APMAP: variants seen among roughly 807,000 people sequenced by gnomAD.
The protein encoded by APMAP is adipocyte plasma membrane-associated protein.
A neutral mutation model predicts 43.6 loss-of-function variants in APMAP; 33 were observed. The ratio of observed to expected loss-of-function variants is 0.76; its 90% CI spans 0.57 to 1.01. The LOEUF (loss-of-function observed/expected upper bound fraction) is 1.01, where lower values mean the gene tolerates loss of function less well. APMAP is among the 50% of genes least tolerant of loss of function. The probability of loss-of-function intolerance (pLI) is 0.00; values close to 1 mark genes in which losing one functional copy is unlikely to be tolerated. For synonymous variants in APMAP, 224 were observed against 216.7 expected (o/e 1.03, Z -0.30); for missense variants, 498 against 540.7 (o/e 0.92, Z 0.78).
At chr20:24,974,957 C>A (rs1051048599) in intron 3 of APMAP, among the ~76,000 whole-genome samples, 9 of 152,090 alleles carry the variant, frequency 5.9e-5, no homozygotes, top group African/African-American at 2.2e-4. Context: ...CAGAAAAAAA[C>A]ATCTAGTAAC....
chr20:24,964,136 GCAGCCCCACAGGGCAGTGCCCCACAGGA>G, intron 8 of APMAP, 114 bp from the exon 9 acceptor site: 1 of 1,133,290 alleles, frequency 8.8e-7, no homozygotes, highest in East Asian at 2.5e-5. Flanking sequence ...CCATGACAGG[GCAGCCCCACAGGGCAGTGCCCCACAGGA>G]CAGCTAATCC....
intron 5 of APMAP, among the ~76,000 whole-genome samples, 181 bp from the exon 6 acceptor site, chr20:24,970,552 T>C (rs540664352): frequency 1.3e-5 from 2 of 152,354 alleles, no homozygotes; most frequent in Non-Finnish European, 2.9e-5. Context: ...TTTTTTAGAC[T>C]AATTTCATTA....
rs759767762 is a variant in APMAP, at chr20:24,969,029, G to C, written c.904C>G (p.Pro302Ala). 3 of 1,613,892 alleles carry C rather than the reference G, an allele frequency of 1.9e-6. No homozygotes were observed. The highest frequency in any genetic ancestry group is 1.7e-6 in the Non-Finnish European group (2 of 1,179,964). Residue 302 changes from proline to alanine, a missense_variant, in exon 8 of 9, where the codon CCT (proline) becomes GCT (alanine). Pro to Ala is a conservative substitution (Grantham distance 27). Transcript: ENST00000217456. ...GGADLFVENM[P>A]GFPDNIRPSS... ...GGCCGGATGTTGTCTGGAAATCCAGGCATGTTCTCCACAAACAGATCAGCC... is the reference window on the plus strand; with the variant it reads ...GGCCGGATGTTGTCTGGAAATCCAGCCATGTTCTCCACAAACAGATCAGCC...
At chr20:24,979,523 T>A (rs1385409257) in intron 2 of APMAP, among the ~76,000 whole-genome samples, 1 of 152,118 alleles carries the variant, frequency 6.6e-6, no homozygotes, top group Non-Finnish European at 1.5e-5. Flanking sequence ...TGCCAGTATG[T>A]CACGCCTCCC....
In APMAP at chr20:24,969,875, T is replaced by C. The variant is rs180803202; in HGVS notation, c.714-215A>G. Among the ~76,000 whole-genome samples the C allele has an allele frequency of 2.0e-5, 3 of 152,350 alleles. No homozygotes were observed. The East Asian group carries it at 5.8e-4, about 29-fold the overall frequency. ...CTCCAGGGAACCCCAAGGTCAGTTA[T>C]CTTGCTCACCTGGGAGCTGGACAGG... is the stretch of plus-strand genomic sequence containing the variant. On this transcript the variant is annotated intron_variant, in intron 6 of 8. Coordinates refer to ENST00000217456, the MANE Select transcript of APMAP (RefSeq NM_020531.3).
At chr20:24,972,054 G>T (rs1290410726) in intron 4 of APMAP, among the ~76,000 whole-genome samples, 6 of 150,302 alleles carry the variant, frequency 4.0e-5, no homozygotes, top group Non-Finnish European at 7.4e-5. Flanking sequence ...CTCACTGCAG[G>T]TGCTTATTGT....
In APMAP at chr20:24,964,009, T is replaced by C; in HGVS notation, c.1055A>G (p.Glu352Gly). 6.2e-7 allele frequency: 1 copy of C among 1,614,200 alleles called. No individual in the cohort carries two copies. Among genetic ancestry groups the C allele is most frequent in the Non-Finnish European group, 8.5e-7 (1 of 1,180,034 alleles). The change falls in exon 9 of 9, where the codon GAG becomes GGG. Residue 352 changes from glutamate to glycine, a missense_variant. Physicochemically the swap from Glu to Gly is moderately conservative, Grantham distance 98. Transcript: ENST00000217456. ...KRMIFKLFSQ[E>G]TVMKFVPRYS... The stretch of plus-strand genomic sequence containing the variant: ...CCGCGGCACAAACTTCATCACCGTC[T>C]CTTGACTAAAGAGCTAGAGGGAAGC...
At chr20:24,990,029 A>G (rs1340518035) in intron 1 of APMAP, among the ~76,000 whole-genome samples, 1 of 152,258 alleles carries the variant, frequency 6.6e-6, no homozygotes, top group Non-Finnish European at 1.5e-5. Context: ...AAACAGTCAC[A>G]TATGGACATT....
chr20:24,974,413 GAGT>G (rs1280611915), intron 3 of APMAP: 3 of 152,132 alleles, frequency 2.0e-5, no homozygotes, highest in African/African-American at 7.2e-5. Context: ...GACAAAAAGA[GAGT>G]AGAATGCAAA....
intron 4 of APMAP, 61 bp downstream of exon 4, chr20:24,973,584 A>G (rs2088024137): frequency 6.6e-7 from 1 of 1,519,042 alleles, no homozygotes; most frequent in African/African-American, 1.4e-5. Context: ...GTTCCACACA[A>G]CGATCCAACA....
At chr20:24,984,100 C>A in intron 1 of APMAP, 81 bp from the exon 2 acceptor site, 4 of 1,121,162 alleles carry the variant, frequency 3.6e-6, no homozygotes, top group Non-Finnish European at 5.3e-6. Context: ...GCCCTCCCGG[C>A]AGGAGCAGGG....
chr20:24,972,912 G>A (rs373864338), intron 4 of APMAP, among the ~76,000 whole-genome samples: 5 of 152,162 alleles, frequency 3.3e-5, no homozygotes, highest in African/African-American at 7.2e-5. Context: ...AAAATGGCAC[G>A]GAAAAAGGCA....
At chr20:24,990,480 A>T (rs1284788659) in intron 1 of APMAP, among the ~76,000 whole-genome samples, 1 of 152,170 alleles carries the variant, frequency 6.6e-6, no homozygotes, top group African/African-American at 2.4e-5. Context: ...AGACCACCCA[A>T]CGTATTACTA....
rs537502137 is a variant in APMAP at position 24,964,971 on chromosome 20, C to T, written c.1042-949G>A. On this transcript the variant is annotated intron_variant, in intron 8 of 8. Coordinates refer to ENST00000217456, the MANE Select transcript of APMAP (RefSeq NM_020531.3). The stretch of plus-strand genomic sequence containing the variant: ...GAAATGCCATCTCCTGCTGTTCGGC[C>T]GTGGATCCTTCCCACTCTCCTCTCT... Among the ~76,000 whole-genome samples the T allele has an allele frequency of 7.9e-5, 12 of 152,272 alleles. 1 individual carries two copies. The South Asian group carries it at 2.1e-3, about 26-fold the overall frequency.
At chr20:24,971,365 G>A (rs2087997894) in intron 5 of APMAP, 95 bp downstream of exon 5, 3 of 1,099,228 alleles carry the variant, frequency 2.7e-6, no homozygotes, top group South Asian at 1.5e-5. Context: ...GTCTTTAGTA[G>A]ACTGTTGCTA....
chr20:24,986,538 G>A (rs138006080), intron 1 of APMAP, among the ~76,000 whole-genome samples: 15 of 152,288 alleles, frequency 9.8e-5, no homozygotes, highest in African/African-American at 3.6e-4. Flanking sequence ...AAGCACCACA[G>A]GCATAAAAAT....
intron 2 of APMAP, among the ~76,000 whole-genome samples, chr20:24,979,767 T>G (rs1205691732): frequency 6.6e-6 from 1 of 152,066 alleles, no homozygotes; most frequent in Non-Finnish European, 1.5e-5. Flanking sequence ...GGCAGCAGCC[T>G]CTGAGCACCG....
intron 2 of APMAP, among the ~76,000 whole-genome samples, chr20:24,982,835 C>T (rs113626610): frequency 6.6e-6 from 1 of 152,054 alleles, no homozygotes; most frequent in Non-Finnish European, 1.5e-5. Context: ...CAGGGGACCC[C>T]CCCCCGCCAC....
intron 7 of APMAP, 85 bp from the exon 8 acceptor site, chr20:24,969,169 G>A: frequency 7.7e-7 from 1 of 1,306,502 alleles, no homozygotes; most frequent in Non-Finnish European, 1.0e-6. Flanking sequence ...ACTGGTCTTG[G>A]TCCAAATATA....
Sources: allele counts gnomAD v4.1 joint callset (sites outside exome capture counted in the v4.1 genomes callset), GRCh38; gene constraint gnomAD v4.1.1; transcripts MANE v1.5; gene names NCBI Gene and HGNC (gene_info 2026-07-23, HGNC 2026-07-21).